The following ADGRL3 variants were observed in gnomAD, a reference collection of about 807,000 sequenced individuals.
ADGRL3 encodes the protein adhesion G protein-coupled receptor L3, also known as calcium-independent alpha-latrotoxin receptor 3.
A neutral mutation model predicts 153.5 loss-of-function variants in ADGRL3; 62 were observed. The ratio of observed to expected loss-of-function variants is 0.40; its 90% CI spans 0.33 to 0.50. ADGRL3 has a LOEUF of 0.50. Among genes scored for constraint, ADGRL3 ranks in the 20% least tolerant of loss-of-function variants. The pLI, the probability that ADGRL3 is intolerant of heterozygous loss-of-function variation, is 0.47. For synonymous variants in ADGRL3, 710 were observed against 672.5 expected (o/e 1.06, Z -0.86); for missense variants, 1,641 against 1,859.4 (o/e 0.88, Z 2.16).
At chr4:62,063,501 C>T (rs1201291186) in intron 25 of ADGRL3, 1 of 680,426 alleles carries the variant, frequency 1.5e-6, no homozygotes, top group Non-Finnish European at 2.7e-6. Flanking sequence ...TGGGGCTGCT[C>T]CAGGAGCCAT....
chr4:61,265,935 G>T (rs531899676), intron 1 of ADGRL3, among the ~76,000 whole-genome samples: 3 of 151,910 alleles, frequency 2.0e-5, no homozygotes, highest in Non-Finnish European at 4.4e-5. Flanking sequence ...GATATGTGGG[G>T]AAAATGATCT....
At chr4:61,799,572 A>G (rs894694020) in intron 8 of ADGRL3, among the ~76,000 whole-genome samples, 4 of 152,148 alleles carry the variant, frequency 2.6e-5, no homozygotes, top group African/African-American at 9.7e-5. Flanking sequence ...ATCTATCAAT[A>G]GCCCTATGTT....
At chr4:61,999,819 A>T (rs1232984984) in intron 21 of ADGRL3, among the ~76,000 whole-genome samples, 1 of 152,224 alleles carries the variant, frequency 6.6e-6, no homozygotes, top group Non-Finnish European at 1.5e-5. Flanking sequence ...TAAATAAAAA[A>T]GATAACCAAG....
chr4:62,047,298 T>C (rs1380942235), intron 25 of ADGRL3, among the ~76,000 whole-genome samples: 1 of 152,046 alleles, frequency 6.6e-6, no homozygotes. Flanking sequence ...TTAGGTTTTC[T>C]TCCCTGTTCA....
At chr4:61,657,302 G>A (rs1480160057) in intron 5 of ADGRL3, among the ~76,000 whole-genome samples, 1 of 151,826 alleles carries the variant, frequency 6.6e-6, no homozygotes, top group Non-Finnish European at 1.5e-5. Flanking sequence ...ATGCCTAAAG[G>A]GACTGTCATC....
chr4:61,793,531 C>T (rs2097370221), intron 8 of ADGRL3, among the ~76,000 whole-genome samples: 2 of 151,768 alleles, frequency 1.3e-5, no homozygotes, highest in African/African-American at 4.9e-5. Context: ...TGGGTCCCTC[C>T]CACAGCATGT....
At chr4:61,364,855 C>T (rs2096365975) in intron 1 of ADGRL3, among the ~76,000 whole-genome samples, 3 of 152,044 alleles carry the variant, frequency 2.0e-5, no homozygotes, top group East Asian at 1.9e-4. Context: ...AGTACCTGAA[C>T]GTTAATGTCA....
intron 11 of ADGRL3, among the ~76,000 whole-genome samples, chr4:61,900,771 A>G (rs953555619): frequency 1.3e-5 from 2 of 152,178 alleles, no homozygotes; most frequent in African/African-American, 4.8e-5. Flanking sequence ...AAATAGATAC[A>G]TATCTATATA....
intron 1 of ADGRL3, among the ~76,000 whole-genome samples, chr4:61,360,442 A>G (rs953869492): frequency 1.3e-5 from 2 of 152,168 alleles, no homozygotes; most frequent in African/African-American, 4.8e-5. Context: ...AATAGTTTCT[A>G]TAGCTACCAA....
chr4:61,502,808 G>C (rs1032729364), intron 3 of ADGRL3, among the ~76,000 whole-genome samples: 3 of 152,072 alleles, frequency 2.0e-5, no homozygotes, highest in Non-Finnish European at 2.9e-5. Flanking sequence ...TTCTTTCTAT[G>C]AAGATGTGTT....
chr4:61,564,688 C>T (rs973281600), intron 4 of ADGRL3, among the ~76,000 whole-genome samples: 1 of 152,198 alleles, frequency 6.6e-6, no homozygotes, highest in African/African-American at 2.4e-5. Flanking sequence ...CCTTTCTCAG[C>T]TTTTGATATG....
chr4:61,770,146 C>A (rs2097065987), intron 8 of ADGRL3, among the ~76,000 whole-genome samples: 1 of 152,130 alleles, frequency 6.6e-6, no homozygotes, highest in Admixed American at 6.5e-5. Context: ...TGGTTTATCT[C>A]CACTTTACAT....
chr4:61,303,556 T>C (rs1033155419), intron 1 of ADGRL3, among the ~76,000 whole-genome samples: 1 of 152,104 alleles, frequency 6.6e-6, no homozygotes, highest in African/African-American at 2.4e-5. Flanking sequence ...CTGGAAAATA[T>C]CATTATGTGA....
chr4:62,044,413 A>T (rs1427126174), intron 24 of ADGRL3, 40 bp from the exon 25 acceptor site: 1 of 1,260,406 alleles, frequency 7.9e-7, no homozygotes, highest in Non-Finnish European at 1.1e-6. Flanking sequence ...AATTCACTGC[A>T]TCATGAGTTC....
chr4:61,802,379 T>A (rs2097508466), intron 8 of ADGRL3, among the ~76,000 whole-genome samples: 1 of 152,142 alleles, frequency 6.6e-6, no homozygotes, highest in African/African-American at 2.4e-5. Context: ...ACTAAAAAGT[T>A]CATGTTCCAC....
intron 1 of ADGRL3, among the ~76,000 whole-genome samples, chr4:61,363,806 C>A (rs922740356): frequency 5.9e-5 from 9 of 151,598 alleles, no homozygotes; most frequent in Admixed American, 4.6e-4. Flanking sequence ...CTCATAGTCC[C>A]GATTTTACAG....
At chr4:61,513,808 T>C (rs898990148) in intron 3 of ADGRL3, among the ~76,000 whole-genome samples, 3 of 152,180 alleles carry the variant, frequency 2.0e-5, no homozygotes, top group African/African-American at 7.2e-5. Context: ...AGCATGAAGT[T>C]TCTCTGAAGA....
At chr4:61,648,547 G>A (rs766880688) in intron 5 of ADGRL3, among the ~76,000 whole-genome samples, 104 of 150,520 alleles carry the variant, frequency 6.9e-4, no homozygotes, top group Middle Eastern at 6.8e-3. Context: ...TTTCTTTTGG[G>A]GTTTTTTTTA....
chr4:61,334,506 A>T (rs958038880), intron 1 of ADGRL3, among the ~76,000 whole-genome samples: 2 of 152,168 alleles, frequency 1.3e-5, no homozygotes, highest in African/African-American at 4.8e-5. Context: ...AGTGACGACT[A>T]TCAAAAGAAA....
Sources: gnomAD v4.1 joint callset for allele counts (sites outside exome capture counted in the v4.1 genomes callset) on GRCh38, gnomAD v4.1.1 for gene constraint, MANE v1.5 for transcripts, NCBI Gene and HGNC (gene_info 2026-07-23, HGNC 2026-07-21) for gene names.